Variants in URB1 observed in about 807,000 individuals in gnomAD.
The protein encoded by URB1 is URB1 ribosome biogenesis factor.
Under a neutral mutation model 242.3 loss-of-function variants are expected in URB1, and 197 were observed. The ratio of observed to expected loss-of-function variants is 0.81; its 90% CI spans 0.72 to 0.91. The LOEUF is 0.91. URB1 is among the 40% of genes least tolerant of loss of function. The probability of loss-of-function intolerance (pLI) is 0.00; values close to 1 mark genes in which losing one functional copy is unlikely to be tolerated. For missense variants in URB1, 2,721 were observed against 2,860.5 expected, an observed-to-expected ratio of 0.95 and a Z score of 1.11; for synonymous variants, 1,153 against 1,201.8, an observed-to-expected ratio of 0.96 and a Z score of 0.84.
At chr21:32,369,998 T>G (rs1052152490) in intron 8 of URB1, among the ~76,000 whole-genome samples, 2 of 122,298 alleles carry the variant, frequency 1.6e-5, no homozygotes, top group South Asian at 2.5e-4. Flanking sequence ...AAAAAAAAAG[T>G]AAGAAGCAGG....
Position 32,325,353 on chromosome 21 carries a change from T to C in URB1, c.4997A>G (p.Asn1666Ser). The change falls in exon 31 of 39, where the codon AAT (asparagine) becomes AGT (serine). Residue 1666 changes from asparagine (N) to serine (S), a missense_variant. Asn to Ser is a conservative substitution (Grantham distance 46). Transcript: ENST00000382751. ...VVDCRKFLDS[N>S]ALGLTVTALS... ...GGCTGTGACAGTTAGGCCCAGAGCA[T>C]TTGAATCCAAAAATTTTCGACAATC... 3.2e-6 allele frequency: 5 copies of C among 1,551,230 alleles called. No individual in the cohort carries two copies. Among genetic ancestry groups the C allele is most frequent in the Non-Finnish European group, 4.4e-6 (5 of 1,146,610 alleles).
Position 32,319,193 on chromosome 21 carries a change from C to A in URB1, c.5792+24G>T, listed in dbSNP as rs1220228315. 12 of 1,533,176 alleles carry A rather than the reference C, an allele frequency of 7.8e-6. No homozygotes were observed. The African/African-American group carries it at 8.4e-5, about 11-fold the overall frequency. 95.0% of individuals were successfully genotyped at this position (1,533,176 alleles called of 1,614,324 possible). On this transcript the variant is annotated intron_variant, in intron 36 of 38. Coordinates refer to ENST00000382751, the MANE Select transcript of URB1 (RefSeq NM_014825.3). ...ACAGCATCCAAGAGGCCAGAAGGGC[C>A]CCCCTGGCGGGGGCAGGACTCACCT...
chr21:32,372,481 G>A, intron 8 of URB1, 26 bp downstream of exon 8: 5 of 1,547,796 alleles, frequency 3.2e-6, no homozygotes, highest in Non-Finnish European at 4.4e-6. Context: ...ACACACCCTG[G>A]GGTCCACAAG....
chr21:32,315,443 A>G (rs2032667978), intron 38 of URB1, among the ~76,000 whole-genome samples: 1 of 151,966 alleles, frequency 6.6e-6, no homozygotes, highest in Non-Finnish European at 1.5e-5. Context: ...CCTCCAGAGT[A>G]GCTGGGACTA....
intron 5 of URB1, among the ~76,000 whole-genome samples, chr21:32,377,475 G>A (rs1346802032): frequency 6.6e-6 from 1 of 152,090 alleles, no homozygotes; most frequent in Non-Finnish European, 1.5e-5. Flanking sequence ...GGAATTTGAA[G>A]AAACTACTGG....
chr21:32,368,762 G>A (rs1020601247), intron 8 of URB1, among the ~76,000 whole-genome samples, 164 bp from the exon 9 acceptor site: 11 of 152,184 alleles, frequency 7.2e-5, no homozygotes, highest in African/African-American at 2.7e-4. Flanking sequence ...TGGCCTGGGG[G>A]TTCCAGCTCT....
rs900970454 is a variant in URB1, at chr21:32,370,850, AGAAAAG to A, written c.1001+1651_1001+1656del. Reference sequence around the variant, plus strand: ...CCCAAAATACAATCTGGCCCTTTGTAGAAAAGTTTGCCAATCCTTGCTCTATGCTCT... The same window carrying A: ...CCCAAAATACAATCTGGCCCTTTGTATTTGCCAATCCTTGCTCTATGCTCT... On this transcript the variant is annotated intron_variant, in intron 8 of 38. Coordinates refer to ENST00000382751, the MANE Select transcript of URB1 (RefSeq NM_014825.3). Among the ~76,000 whole-genome samples the A allele has an allele frequency of 1.7e-4, 26 of 152,336 alleles. No homozygotes were observed. The East Asian group carries it at 2.5e-3, about 15-fold the overall frequency.
intron 24 of URB1, among the ~76,000 whole-genome samples, chr21:32,341,837 T>TCACATGCA (rs2033033901): frequency 6.6e-6 from 1 of 152,216 alleles, no homozygotes; most frequent in Non-Finnish European, 1.5e-5. Context: ...TTTGCACAAT[T>TCACATGCA]CTTGACAAGC....
rs1309891355 is a variant in URB1 at position 32,349,336 on chromosome 21, A to G, written c.2980T>C (p.Ser994Pro). Residue 994 changes from serine to proline, a missense_variant, in exon 21 of 39, where the codon TCC (serine) becomes CCC (proline). By Grantham distance (74) the Ser-to-Pro change is moderately conservative. Coordinates refer to ENST00000382751, the MANE Select transcript of URB1 (RefSeq NM_014825.3). The part of the protein sequence containing the change: ...AEADLFLDME[S>P]VASLELANDQ... ...TTGGCCAACTCCAGCGAGGCCACGG[A>G]CTCCATGTCCAGGAAGAGGTCGGCT... The G allele has an allele frequency of 6.5e-7, 1 of 1,549,532 alleles. No homozygotes were observed. Among genetic ancestry groups the G allele is most frequent in the Non-Finnish European group, 8.7e-7 (1 of 1,146,190 alleles).
Position 32,350,859 on chromosome 21 carries a change from G to A in URB1, c.2677C>T (p.Leu893=). The part of the protein sequence containing the change: ...ALPLASSFTA[L]LQAAYESQAL... ...TGGCTCTCGTAGGCTGCCTGCAGCA[G>A]GGCTGTGAAGGACGAGGCCAAGGGA... The change falls in exon 20 of 39, where the codon CTG becomes TTG. Residue 893 remains leucine (L), a synonymous_variant. Coordinates refer to ENST00000382751, the MANE Select transcript of URB1 (RefSeq NM_014825.3). The A allele has an allele frequency of 6.4e-7, 1 of 1,550,944 alleles. No homozygotes were observed. Among genetic ancestry groups the A allele is most frequent in the Non-Finnish European group, 8.7e-7 (1 of 1,147,002 alleles).
chr21:32,361,161 A>AAGAAAGAAAGAAAGAC, intron 12 of URB1, 38 bp from the exon 13 acceptor site: 2 of 542,820 alleles, frequency 3.7e-6, no homozygotes, highest in Non-Finnish European at 6.2e-6. Context: ...AAAGAGAAAA[A>AAGAAAGAAAGAAAGAC]AGAAAGAAAG....
intron 2 of URB1, among the ~76,000 whole-genome samples, chr21:32,384,886 C>T (rs961316622): frequency 6.6e-6 from 1 of 152,136 alleles, no homozygotes; most frequent in Non-Finnish European, 1.5e-5. Flanking sequence ...GAGGCTGAGG[C>T]AGGAGAATGG....
chr21:32,321,924 C>A lies in URB1; in HGVS notation c.5361G>T (p.Trp1787Cys), dbSNP rs767326780. 11 of 1,551,466 alleles carry A rather than the reference C, an allele frequency of 7.1e-6. No individual in the cohort carries two copies. The African/African-American group carries it at 1.2e-4, about 17-fold the overall frequency. Reference protein sequence around the residue: ...SDFEQKTEQKWVFGVLRQGIR... With the variant: ...SDFEQKTEQKCVFGVLRQGIR... Reference sequence around the variant, plus strand: ...TCCCCTGCCGCAGAACGCCAAACACCCACTTCTGCTCTGTTTTTTGCTATA... The same window carrying A: ...TCCCCTGCCGCAGAACGCCAAACACACACTTCTGCTCTGTTTTTTGCTATA... Residue 1787 changes from tryptophan to cysteine, a missense_variant, in exon 34 of 39, where the codon TGG becomes TGT. Transcript: ENST00000382751.
intron 14 of URB1, 68 bp downstream of exon 14, chr21:32,359,728 T>A: frequency 7.2e-7 from 1 of 1,383,054 alleles, no homozygotes; most frequent in Admixed American, 2.9e-5. Context: ...TAGCAATTCA[T>A]CAGGCCAAGA....
At position 32,385,541 on chromosome 21, in the gene URB1, T is replaced by TTAC; in HGVS notation, c.282+1_282+3dup. The TTAC allele has an allele frequency of 6.4e-7, 1 of 1,552,032 alleles. No homozygotes were observed. Among genetic ancestry groups the TTAC allele is most frequent in the Non-Finnish European group, 8.7e-7 (1 of 1,147,052 alleles). On this transcript the variant is annotated splice_donor_region_variant and intron_variant, in intron 2 of 38. Coordinates refer to ENST00000382751, the MANE Select transcript of URB1 (RefSeq NM_014825.3). ...TTCATCAAGCCATGTAAGGAACAAC[T>TTAC]TACTTCACTTTCAGGTCGTTTCTCT...
At chr21:32,377,682 C>T (rs1043204943) in intron 5 of URB1, among the ~76,000 whole-genome samples, 1 of 152,144 alleles carries the variant, frequency 6.6e-6, no homozygotes, top group African/African-American at 2.4e-5. Flanking sequence ...TAAATCGTCC[C>T]GGCAGTCACG....
chr21:32,366,402 G>T (rs11701002), intron 10 of URB1, among the ~76,000 whole-genome samples: 22,459 of 152,224 alleles, frequency 0.15, 2,221 homozygotes, highest in African/African-American at 0.28. Flanking sequence ...GTTGTCCCTA[G>T]AAGCAAAGTC....
chr21:32,366,718 T>A lies in URB1; in HGVS notation c.1235A>T (p.Gln412Leu). Reference sequence around the variant, plus strand: ...AGGCAAGGGTATAAACTCTCTGGTCTGAAATGCCCGGGAAATCTCCGGCTG... The same window carrying A: ...AGGCAAGGGTATAAACTCTCTGGTCAGAAATGCCCGGGAAATCTCCGGCTG... ...EAQPEISRAF[Q>L]TREFIPLPRL... Residue 412 changes from glutamine to leucine, a missense_variant, in exon 10 of 39, where the codon CAG becomes CTG. Coordinates refer to ENST00000382751, the MANE Select transcript of URB1 (RefSeq NM_014825.3). 6.4e-7 allele frequency: 1 copy of A among 1,551,496 alleles called. No homozygotes were observed. The highest frequency in any genetic ancestry group is 8.7e-7 in the Non-Finnish European group (1 of 1,146,872).
At position 32,373,695 on chromosome 21, in the gene URB1, C is replaced by A. The variant is rs192355871; in HGVS notation, c.828G>T (p.Ser276=). Residue 276 remains serine, a synonymous_variant, in exon 7 of 39, where the codon TCG becomes TCT. Transcript: ENST00000382751. ...CGGTAATCCCATTCCAGTTGTACAG[C>A]GATGCTATGTGGTTCAATAACTGCC... is the stretch of plus-strand genomic sequence containing the variant. ...FTGQLLNHIA[S]LYNWNGITDV... 4.8e-5 allele frequency: 75 copies of A among 1,547,758 alleles called. No individual in the cohort carries two copies. In the Middle Eastern group the frequency reaches 1.0e-3, roughly 21 times the overall value.
Sources: gnomAD v4.1 joint callset for allele counts (sites outside exome capture counted in the v4.1 genomes callset) on GRCh38, gnomAD v4.1.1 for gene constraint, MANE v1.5 for transcripts, NCBI Gene and HGNC (gene_info 2026-07-23, HGNC 2026-07-21) for gene names.